The following IQUB variants were observed in gnomAD, a reference collection of about 807,000 sequenced individuals.
The protein encoded by IQUB is IQ motif and ubiquitin domain containing.
Under a neutral mutation model 86.4 loss-of-function variants are expected in IQUB, and 86 were observed. The observed-to-expected ratio is 1.00, with a 90% CI of 0.84 to 1.19. The LOEUF (loss-of-function observed/expected upper bound fraction) is 1.19, where lower values mean the gene tolerates loss of function less well. IQUB is among the 50% of genes most tolerant of loss of function. The probability of loss-of-function intolerance (pLI) is 0.00; values close to 1 mark genes in which losing one functional copy is unlikely to be tolerated. For synonymous variants in IQUB, 289 were observed against 304.5 expected (o/e 0.95, Z 0.53); for missense variants, 946 against 916.9 (o/e 1.03, Z -0.41).
intron 6 of IQUB, 191 bp downstream of exon 6, chr7:123,502,406 A>T (rs745898165): frequency 1.8e-6 from 1 of 564,504 alleles, no homozygotes; most frequent in East Asian, 3.1e-5. Flanking sequence ...AAGGATTAGG[A>T]GCATTTAGGA....
intron 7 of IQUB, among the ~76,000 whole-genome samples, chr7:123,493,036 C>T (rs1413115191): frequency 6.6e-6 from 1 of 152,114 alleles, no homozygotes; most frequent in Non-Finnish European, 1.5e-5. Flanking sequence ...TTTTAAAAAT[C>T]CTGGGAGTGC....
chr7:123,510,243 A>C (rs1030339853), intron 2 of IQUB, among the ~76,000 whole-genome samples: 4 of 152,092 alleles, frequency 2.6e-5, no homozygotes, highest in Admixed American at 2.6e-4. Context: ...AGTTGCTTTG[A>C]AAATCAACCC....
Position 123,531,506 on chromosome 7 carries a change from T to C in IQUB, c.-5+2986A>G, listed in dbSNP as rs1007848777. ...TCCTTAACTAAAGGTCTCCGTCAAATGAAAAGTGTATTTTAGTCAAGTCAG... is the reference window on the plus strand; with the variant it reads ...TCCTTAACTAAAGGTCTCCGTCAAACGAAAAGTGTATTTTAGTCAAGTCAG... On this transcript the variant is annotated intron_variant, in intron 1 of 12. Transcript: ENST00000324698. Among the ~76,000 whole-genome samples the C allele has an allele frequency of 3.7e-4, 56 of 152,104 alleles. 1 individual carries two copies. The highest frequency in any genetic ancestry group is 6.5e-5 in the Admixed American group (1 of 15,286).
chr7:123,476,869 C>A (rs1018697228), intron 8 of IQUB, among the ~76,000 whole-genome samples: 1 of 151,920 alleles, frequency 6.6e-6, no homozygotes, highest in African/African-American at 2.4e-5. Context: ...TATTAGGAAT[C>A]CAACTTACAA....
At chr7:123,471,371 G>A (rs1337799784) in intron 8 of IQUB, among the ~76,000 whole-genome samples, 1 of 152,110 alleles carries the variant, frequency 6.6e-6, no homozygotes, top group African/African-American at 2.4e-5. Flanking sequence ...TTTTTAAAAA[G>A]TTTTTAAAGG....
intron 9 of IQUB, among the ~76,000 whole-genome samples, chr7:123,468,921 A>C (rs1393822719): frequency 6.6e-6 from 1 of 152,222 alleles, no homozygotes; most frequent in African/African-American, 2.4e-5. Context: ...TTTTTCACTG[A>C]AAAATGTCAA....
chr7:123,472,285 A>G (rs1200182094), intron 8 of IQUB, among the ~76,000 whole-genome samples: 2 of 152,078 alleles, frequency 1.3e-5, no homozygotes, highest in African/African-American at 4.8e-5. Context: ...TAAAGAAAGA[A>G]AGAGAAAGAA....
intron 8 of IQUB, among the ~76,000 whole-genome samples, chr7:123,477,393 A>C (rs544860560): frequency 1.3e-4 from 20 of 152,228 alleles, no homozygotes; most frequent in Non-Finnish European, 2.8e-4. Context: ...CATATGGAGA[A>C]AGCTGAAACT....
chr7:123,481,953 T>C (rs1377080558), intron 7 of IQUB, among the ~76,000 whole-genome samples: 4 of 152,058 alleles, frequency 2.6e-5, no homozygotes, highest in Non-Finnish European at 5.9e-5. Context: ...TGTAGAATTC[T>C]AGTGACATGA....
intron 7 of IQUB, among the ~76,000 whole-genome samples, chr7:123,487,481 A>G (rs1795259853): frequency 6.6e-6 from 1 of 152,152 alleles, no homozygotes; most frequent in Non-Finnish European, 1.5e-5. Context: ...AGCTAAACCC[A>G]CCATTAATCA....
chr7:123,503,351 T>C lies in IQUB; in HGVS notation c.545A>G (p.Lys182Arg). Residue 182 changes from lysine to arginine, a missense_variant, in exon 4 of 13, where the codon AAA (lysine) becomes AGA (arginine). Transcript: ENST00000324698. ...LQIRYSGKIL[K>R]NNETLVQHGV... ...ATGTTGTACTAGAGTCTCATTATTT[T>C]TAAGAATTTTTCCTAAAAATTGAAA... 6.6e-7 allele frequency: 1 copy of C among 1,504,826 alleles called. No individual in the cohort carries two copies. The highest frequency in any genetic ancestry group is 9.0e-7 in the Non-Finnish European group (1 of 1,115,946). 93.2% of individuals were successfully genotyped at this position (1,504,826 alleles called of 1,614,324 possible).
At chr7:123,464,747 G>GTT in intron 10 of IQUB, 86 bp downstream of exon 10, 1 of 853,406 alleles carries the variant, frequency 1.2e-6, no homozygotes, top group Non-Finnish European at 1.7e-6. Context: ...CAAGTAAAGT[G>GTT]TTAAAGCAAA....
chr7:123,506,626 GAAC>G (rs1377505870), intron 3 of IQUB, among the ~76,000 whole-genome samples: 1 of 151,968 alleles, frequency 6.6e-6, no homozygotes, highest in Non-Finnish European at 1.5e-5. Flanking sequence ...ACTATCACAA[GAAC>G]AACAAGGGGG....
chr7:123,497,029 C>A, intron 6 of IQUB, 123 bp from the exon 7 acceptor site: 1 of 609,222 alleles, frequency 1.6e-6, no homozygotes, highest in East Asian at 2.9e-5. Context: ...AGTTTTAGCT[C>A]CAAATACATA....
At chr7:123,496,960 G>C in intron 6 of IQUB, 54 bp from the exon 7 acceptor site, 1 of 1,073,676 alleles carries the variant, frequency 9.3e-7, no homozygotes, top group Non-Finnish European at 1.3e-6. Flanking sequence ...TTTTTGATCA[G>C]ACAATAAAGG....
Position 123,469,309 on chromosome 7 carries a change from T to G in IQUB, c.1486A>C (p.Arg496=), listed in dbSNP as rs776588164. ...EMDTQFTIRA[R]ELQNIYKCIM... is the part of the protein sequence containing the mutation. ...CACTTATAGATATTTTGCAGCTCTC[T>G]GGCTCTGATGGTGAACTGCGTATCC... The change falls in exon 9 of 13, where the codon AGA becomes CGA. Residue 496 remains arginine (R), a synonymous_variant. Coordinates refer to ENST00000324698, the MANE Select transcript of IQUB (RefSeq NM_178827.5). 1 of 1,610,206 alleles carries G rather than the reference T, an allele frequency of 6.2e-7. No homozygotes were observed. Among genetic ancestry groups the G allele is most frequent in the Non-Finnish European group, 8.5e-7 (1 of 1,177,846 alleles).
intron 7 of IQUB, among the ~76,000 whole-genome samples, chr7:123,490,205 A>T (rs1287009181): frequency 1.3e-5 from 2 of 152,064 alleles, no homozygotes; most frequent in Non-Finnish European, 2.9e-5. Flanking sequence ...AAATATAAAA[A>T]GATATACTAA....
Position 123,484,834 on chromosome 7 carries a change from T to C in IQUB, c.1235-4864A>G, listed in dbSNP as rs10260981. Among the ~76,000 whole-genome samples the C allele has an allele frequency of 3.8e-3, 583 of 152,112 alleles. 2 individuals carry two copies. Among genetic ancestry groups the C allele is most frequent in the African/African-American group, 0.013 (549 of 41,526 alleles). On this transcript the variant is annotated intron_variant, in intron 7 of 12. Coordinates refer to ENST00000324698, the MANE Select transcript of IQUB (RefSeq NM_178827.5). ...TGAAAATAAAAGACCTTAATTCCAG[T>C]AAAATTCTCTATTAGATGAATAACT...
At chr7:123,496,636 T>A in intron 7 of IQUB, 60 bp downstream of exon 7, 2 of 1,013,270 alleles carry the variant, frequency 2.0e-6, no homozygotes, top group Non-Finnish European at 2.8e-6. Flanking sequence ...GCAGTAAATC[T>A]GTTTTTCCTA....
Sources: gnomAD v4.1 joint callset for allele counts (sites outside exome capture counted in the v4.1 genomes callset) on GRCh38, gnomAD v4.1.1 for gene constraint, MANE v1.5 for transcripts, NCBI Gene and HGNC (gene_info 2026-07-23, HGNC 2026-07-21) for gene names.